KMT2D: variants seen among roughly 807,000 people sequenced by gnomAD.
KMT2D encodes the protein lysine methyltransferase 2D.
Under a neutral mutation model 512.7 loss-of-function variants are expected in KMT2D, and 55 were observed. The observed-to-expected ratio is 0.11, with a 90% CI of 0.09 to 0.13. The LOEUF (loss-of-function observed/expected upper bound fraction) is 0.13, where lower values mean the gene tolerates loss of function less well. Ranked by LOEUF, KMT2D falls within the 10% of genes least tolerant of loss-of-function variation. KMT2D has a pLI of 1.00. For synonymous variants in KMT2D, 2,995 were observed against 2,904.0 expected (o/e 1.03, Z -1.01); for missense variants, 6,061 against 7,127.9 (o/e 0.85, Z 5.39).
Position 49,034,911 on chromosome 12 carries a change from T to C in KMT2D, c.10256A>G (p.Asp3419Gly), listed in dbSNP as rs146044282. The change falls in exon 36 of 55, where the codon GAT becomes GGT. Residue 3419 changes from aspartate (D) to glycine (G), a missense_variant. Transcript: ENST00000301067. ...DTDLDKFAAE[D>G]IIDPIAKAKM... ...GGCCTTTGCAATGGGATCAATGATA[T>C]CTTCTGCAGCAAATTTGTCCAGGTC... The C allele has an allele frequency of 2.1e-3, 3,359 of 1,614,010 alleles. 12 individuals are homozygous for C. The highest frequency in any genetic ancestry group is 3.3e-3 in the Middle Eastern group (20 of 6,060).
rs367833867 is a variant in KMT2D at position 49,025,254 on chromosome 12, TCAGGTTCTAGTA to T, written c.15785-320_15785-309del. ...GCTTTGGAGTTGGAAAGACTTGGGTTCAGGTTCTAGTACTGGTCATGAGACCTTGAGCCAAAT... is the reference window on the plus strand; with the variant it reads ...GCTTTGGAGTTGGAAAGACTTGGGTTCTGGTCATGAGACCTTGAGCCAAAT... On this transcript the variant is annotated intron_variant, in intron 49 of 54. Coordinates refer to ENST00000301067, the MANE Select transcript of KMT2D (RefSeq NM_003482.4). Among the ~76,000 whole-genome samples the T allele has an allele frequency of 3.0e-3, 452 of 152,358 alleles. 1 individual carries two copies. The highest frequency in any genetic ancestry group is 0.01 in the African/African-American group (425 of 41,580).
chr12:49,045,442 G>A (rs1481888201), intron 19 of KMT2D, among the ~76,000 whole-genome samples: 1 of 152,138 alleles, frequency 6.6e-6, no homozygotes, highest in Non-Finnish European at 1.5e-5. Context: ...CGGAGATCGA[G>A]ACCATCCTGG....
rs2120732433 is a variant in KMT2D, at chr12:49,059,877, A to G, written c.-302T>C. 6.6e-6 allele frequency: 1 copy of G among 151,906 alleles called. No homozygotes were observed. The highest frequency in any genetic ancestry group is 2.0e-4 in the East Asian group (1 of 5,122). The allele number at this position is 151,906 out of a possible 1,614,324, so 9.4% of individuals were successfully genotyped here. ...GGGCGGCGAATCCCGAGCGGACACA[A>G]AGAGAGCACCGGTGGCTTTGATCTT... On this transcript the variant is annotated 5_prime_UTR_variant, in exon 1 of 55. Coordinates refer to ENST00000301067, the MANE Select transcript of KMT2D (RefSeq NM_003482.4).
chr12:49,033,354 C>T lies in KMT2D; in HGVS notation c.11351G>A (p.Gly3784Asp). Residue 3784 changes from glycine to aspartate, a missense_variant, in exon 40 of 55, where the codon GGC becomes GAC. Coordinates refer to ENST00000301067, the MANE Select transcript of KMT2D (RefSeq NM_003482.4). The stretch of plus-strand genomic sequence containing the variant: ...AGGGGACAGCTGCTGGACCAGGAGG[C>T]CTTGGTGGCTGCTGGGAGGCATAAG... ...QGLMPPSSHQ[G>D]LLVQQLSPQP... The T allele has an allele frequency of 6.3e-7, 1 of 1,588,852 alleles. No individual in the cohort carries two copies. Among genetic ancestry groups the T allele is most frequent in the South Asian group, 1.1e-5 (1 of 87,566 alleles).
chr12:49,024,455 A>G lies in KMT2D; in HGVS notation c.16052+123T>C. ...TGCATGCCCTCTAATTAGGAAGTCT[A>G]AGAGTGATTCCCCATTTTCTCCACG... is the stretch of plus-strand genomic sequence containing the variant. On this transcript the variant is annotated intron_variant, in intron 51 of 54. Transcript: ENST00000301067. The surrounding 1 kb of genome is among the most constrained non-coding windows in gnomAD (Gnocchi z 4.5). The G allele has an allele frequency of 1.5e-6, 2 of 1,304,206 alleles. No homozygotes were observed. The highest frequency in any genetic ancestry group is 4.9e-5 in the Admixed American group (2 of 40,480). The allele number at this position is 1,304,206 out of a possible 1,614,324, so 80.8% of individuals were successfully genotyped here. A position where few individuals can be genotyped will look rare whatever the true frequency, so the allele number is the denominator to read the frequency against.
In KMT2D at chr12:49,046,457, C is replaced by T. The variant is rs752673502; in HGVS notation, c.4419-33G>A. ...GAGCAGGAAAACAGAGCTTTAGCAC[C>T]CAACCTACCCGAAGTACCCAGAAGT... On this transcript the variant is annotated intron_variant, in intron 16 of 54. Coordinates refer to ENST00000301067, the MANE Select transcript of KMT2D (RefSeq NM_003482.4). The surrounding 1 kb of genome is among the most constrained non-coding windows in gnomAD (Gnocchi z 4.2). 5.6e-5 allele frequency: 90 copies of T among 1,607,400 alleles called. No individual in the cohort carries two copies. The highest frequency in any genetic ancestry group is 7.5e-5 in the Non-Finnish European group (88 of 1,175,630).
chr12:49,043,523 GA>G, intron 24 of KMT2D, 95 bp from the exon 25 acceptor site: 2 of 1,589,750 alleles, frequency 1.3e-6, no homozygotes, highest in Non-Finnish European at 1.7e-6. Flanking sequence ...CAGGACCCTT[GA>G]CCCCACCCTT....
Position 49,053,747 on chromosome 12 carries a change from C to A in KMT2D, c.674-106G>T. 3 of 1,332,382 alleles carry A rather than the reference C, an allele frequency of 2.3e-6. No individual in the cohort carries two copies. In the African/African-American group the frequency reaches 4.4e-5, roughly 20 times the overall value. 82.5% of individuals were successfully genotyped at this position (1,332,382 alleles called of 1,614,324 possible). On this transcript the variant is annotated intron_variant, in intron 6 of 54. Transcript: ENST00000301067. ...CCATGGGCACAGAATGAACAAACAACAAAGTTACTGAGTGCCTGCCCAACG... is the reference window on the plus strand; with the variant it reads ...CCATGGGCACAGAATGAACAAACAAAAAAGTTACTGAGTGCCTGCCCAACG...
chr12:49,044,258 C>T lies in KMT2D; in HGVS notation c.5130G>A (p.Thr1710=), dbSNP rs758585881. The T allele has an allele frequency of 4.3e-6, 7 of 1,613,054 alleles. No homozygotes were observed. The highest frequency in any genetic ancestry group is 1.1e-5 in the South Asian group (1 of 91,020). Residue 1710 remains threonine, a synonymous_variant, in exon 22 of 55, where the codon ACG becomes ACA. Coordinates refer to ENST00000301067, the MANE Select transcript of KMT2D (RefSeq NM_003482.4). This position sits in a 1 kb window ranked among gnomAD's most constrained non-coding sequence, Gnocchi z 6.4. Reference sequence around the variant, plus strand: ...CCGCCTGTGCAGCAGGCCCCTTTTTCGTGCGTGTGTGGGATTTCCGCTGTC... The same window carrying T: ...CCGCCTGTGCAGCAGGCCCCTTTTTTGTGCGTGTGTGGGATTTCCGCTGTC... ...MVRQRKSHTR[T]KKGPAAQAEV...
In KMT2D at chr12:49,054,618, C is replaced by G. The variant is rs1396861260; in HGVS notation, c.310G>C (p.Gly104Arg). The change falls in exon 4 of 55, where the codon GGG becomes CGG. Residue 104 changes from glycine to arginine, a missense_variant. This residue lies in a region of KMT2D where 144 missense variants were observed against 165.7 expected (regional missense o/e 0.87). Coordinates refer to ENST00000301067, the MANE Select transcript of KMT2D (RefSeq NM_003482.4). This position sits in a 1 kb window ranked among gnomAD's most constrained non-coding sequence, Gnocchi z 6.4. ...CPVVSPGGSP[G>R]PNEAVLPSED... is the part of the protein sequence containing the mutation. Reference sequence around the variant, plus strand: ...CTGGGCAGCACTGCCTCATTGGGCCCTGGGCTCCCCCCAGGGGACACCACT... The same window carrying G: ...CTGGGCAGCACTGCCTCATTGGGCCGTGGGCTCCCCCCAGGGGACACCACT... The G allele has an allele frequency of 6.2e-7, 1 of 1,613,304 alleles. No individual in the cohort carries two copies. Among genetic ancestry groups the G allele is most frequent in the Non-Finnish European group, 8.5e-7 (1 of 1,179,560 alleles).
At position 49,022,381 on chromosome 12, in the gene KMT2D, G is replaced by A; in HGVS notation, c.16339-28C>T. 6.3e-7 allele frequency: 1 copy of A among 1,592,706 alleles called. No homozygotes were observed. ...AGAAAGGCAGAGGTTGCAGAAGAAG[G>A]GACAAGAGTATCAGAGAGTGGCAGT... On this transcript the variant is annotated intron_variant, in intron 52 of 54. Coordinates refer to ENST00000301067, the MANE Select transcript of KMT2D (RefSeq NM_003482.4). This position sits in a 1 kb window ranked among gnomAD's most constrained non-coding sequence, Gnocchi z 8.6.
intron 39 of KMT2D, 28 bp from the exon 40 acceptor site, chr12:49,033,992 G>A (rs1943087507): frequency 1.3e-6 from 2 of 1,551,064 alleles, no homozygotes; most frequent in Non-Finnish European, 1.7e-6. Context: ...GAGAGGTCAG[G>A]CTGGGGCATG....
chr12:49,050,375 G>C lies in KMT2D; in HGVS notation c.3213C>G (p.His1071Gln), dbSNP rs764855825. The change falls in exon 12 of 55, where the codon CAC becomes CAG. Residue 1071 changes from histidine (H) to glutamine (Q), a missense_variant. Physicochemically the swap from His to Gln is conservative, Grantham distance 24. Transcript: ENST00000301067. ...CTGAAACTTTCTCAGTCTCCATCTC[G>C]TGCAGCTCAGCCTCATCTGAGACCC... ...VVGVSDEAEL[H>Q]EMETEKVSEP... 4 of 1,612,630 alleles carry C rather than the reference G, an allele frequency of 2.5e-6. No homozygotes were observed. Among genetic ancestry groups the C allele is most frequent in the African/African-American group, 1.3e-5 (1 of 74,902 alleles).
Position 49,031,331 on chromosome 12 carries a change from A to G in KMT2D, c.13374T>C (p.Ala4458=). 1 of 1,613,604 alleles carries G rather than the reference A, an allele frequency of 6.2e-7. No homozygotes were observed. The highest frequency in any genetic ancestry group is 8.5e-7 in the Non-Finnish European group (1 of 1,179,892). ...HLLLAGPRSE[A]GHLLLQKLLR... ...GTAGCTTCTGCAAGAGCAGATGCCC[A>G]GCTTCTGAGCGAGGGCCTGCCAGCA... The change falls in exon 40 of 55, where the codon GCT becomes GCC. Residue 4458 remains alanine, a synonymous_variant. Coordinates refer to ENST00000301067, the MANE Select transcript of KMT2D (RefSeq NM_003482.4).
Position 49,054,227 on chromosome 12 carries a change from G to A in KMT2D, c.510+80C>T. On this transcript the variant is annotated intron_variant, in intron 5 of 54. Transcript: ENST00000301067. This position sits in a 1 kb window ranked among gnomAD's most constrained non-coding sequence, Gnocchi z 6.4. ...ACTAGCTCTGCCCCAGTATACCCAT[G>A]GTCCTTCTCATTCCAACCTGACTCT... The A allele has an allele frequency of 6.5e-7, 1 of 1,532,622 alleles. No individual in the cohort carries two copies. Among genetic ancestry groups the A allele is most frequent in the African/African-American group, 1.4e-5 (1 of 72,756 alleles). 94.9% of individuals were successfully genotyped at this position (1,532,622 alleles called of 1,614,324 possible).
rs2120370707 is a variant in KMT2D, at chr12:49,027,274, C to T, written c.14692G>A (p.Val4898Ile). Residue 4898 changes from valine (V) to isoleucine (I), a missense_variant, in exon 49 of 55, where the codon GTC (valine) becomes ATC (isoleucine). Transcript: ENST00000301067. The part of the protein sequence containing the change: ...PPTQHSYTYN[V>I]SNLDVRQLSA... Reference sequence around the variant, plus strand: ...AGCTGTCGCACATCCAGATTGGAGACATTGTAGGTATAGCTGTGCTGAGTG... The same window carrying T: ...AGCTGTCGCACATCCAGATTGGAGATATTGTAGGTATAGCTGTGCTGAGTG... The T allele has an allele frequency of 1.3e-6, 2 of 1,554,798 alleles. No homozygotes were observed. The highest frequency in any genetic ancestry group is 1.3e-5 in the South Asian group (1 of 79,826).
rs369429157 is a variant in KMT2D, at chr12:49,039,516, A to C, written c.8148T>G (p.Pro2716=). The change falls in exon 33 of 55, where the codon CCT becomes CCG. Residue 2716 remains proline, a synonymous_variant. Coordinates refer to ENST00000301067, the MANE Select transcript of KMT2D (RefSeq NM_003482.4). The surrounding 1 kb of genome is among the most constrained non-coding windows in gnomAD (Gnocchi z 5.0). ...TAAAAAGAVG[P]PGSWGAEPSS... ...TGGGCTCAGCACCCCAGCTGCCTGGAGGCCCCACTGCTCCTGCAGCTGCTG... is the reference window on the plus strand; with the variant it reads ...TGGGCTCAGCACCCCAGCTGCCTGGCGGCCCCACTGCTCCTGCAGCTGCTG... 4.3e-6 allele frequency: 7 copies of C among 1,611,992 alleles called. No homozygotes were observed. The highest frequency in any genetic ancestry group is 1.1e-5 in the South Asian group (1 of 90,886).
Position 49,032,439 on chromosome 12 carries a change from A to G in KMT2D, c.12266T>C (p.Leu4089Pro), listed in dbSNP as rs2120431332. 6.3e-7 allele frequency: 1 copy of G among 1,575,290 alleles called. No individual in the cohort carries two copies. The highest frequency in any genetic ancestry group is 8.6e-7 in the Non-Finnish European group (1 of 1,160,438). Reference sequence around the variant, plus strand: ...AAGCCTCAGAGGTGGCTGCAGCTGCAGAGAGCTGGGCTGAGGCTGGGGCTG... The same window carrying G: ...AAGCCTCAGAGGTGGCTGCAGCTGCGGAGAGCTGGGCTGAGGCTGGGGCTG... ...QPQPQPQPSS[L>P]QLQPPLRLPG... Residue 4089 changes from leucine (L) to proline (P), a missense_variant, in exon 40 of 55, where the codon CTG becomes CCG. This residue lies in a region of KMT2D where 1,600 missense variants were observed against 1,754.9 expected (regional missense o/e 0.91). Coordinates refer to ENST00000301067, the MANE Select transcript of KMT2D (RefSeq NM_003482.4).
rs1937751206 is a variant in KMT2D, at chr12:49,049,144, G to C, written c.3981C>G (p.Ala1327=). ...GAHGGRGRGR[A]RLKSTASSIE... ...TGGAAGAAGCAGTTGACTTTAGCCG[G>C]GCCCGTCCTCTACCACGTCCTCCAT... is the stretch of plus-strand genomic sequence containing the variant. The change falls in exon 13 of 55, where the codon GCC becomes GCG. Residue 1327 remains alanine (A), a synonymous_variant. Coordinates refer to ENST00000301067, the MANE Select transcript of KMT2D (RefSeq NM_003482.4). 1 of 1,611,852 alleles carries C rather than the reference G, an allele frequency of 6.2e-7. No individual in the cohort carries two copies. The highest frequency in any genetic ancestry group is 8.5e-7 in the Non-Finnish European group (1 of 1,178,822).
Sources: allele counts gnomAD v4.1 joint callset (sites outside exome capture counted in the v4.1 genomes callset), GRCh38; gene constraint gnomAD v4.1.1; regional missense constraint gnomAD v4.1.1; non-coding constraint Gnocchi (gnomAD v3.1); transcripts MANE v1.5; gene names NCBI Gene and HGNC (gene_info 2026-07-23, HGNC 2026-07-21).